PRTFDC1: variants seen among roughly 807,000 people sequenced by gnomAD.
PRTFDC1 encodes the protein phosphoribosyltransferase domain-containing protein 1.
In PRTFDC1, 38 loss-of-function variants were observed where a neutral mutation model predicts 34.6. The ratio of observed to expected loss-of-function variants is 1.10; its 90% CI spans 0.85 to 1.44. The LOEUF is 1.44. Among genes scored for constraint, PRTFDC1 ranks in the 40% most tolerant of loss-of-function variants. The pLI, the probability that PRTFDC1 is intolerant of heterozygous loss-of-function variation, is 0.00. For missense variants in PRTFDC1, 270 were observed against 283.0 expected (o/e 0.95, Z 0.33); for synonymous variants, 93 against 98.1 (o/e 0.95, Z 0.31).
intron 1 of PRTFDC1, among the ~76,000 whole-genome samples, chr10:24,949,210 C>A (rs1849298137): frequency 6.6e-6 from 1 of 152,126 alleles, no homozygotes; most frequent in African/African-American, 2.4e-5. Context: ...CCACCTCAGC[C>A]TCCCCGGTAG....
Position 24,874,910 on chromosome 10 carries a change from G to A in PRTFDC1, c.340-2847C>T, listed in dbSNP as rs72780350. 7.7e-3 allele frequency among the ~76,000 whole-genome samples: 1,165 copies of A among 152,278 alleles called. 3 individuals are homozygous for A. The highest frequency in any genetic ancestry group is 0.012 in the Non-Finnish European group (845 of 68,012). On this transcript the variant is annotated intron_variant, in intron 3 of 8. Transcript: ENST00000320152. ...ACCTTCATGCTGTTCTCATGATGAT[G>A]AGTGAGTTCTCACGAAATATGATGG...
At chr10:24,908,238 C>CGTTGT in intron 3 of PRTFDC1, 1 of 390,666 alleles carries the variant, frequency 2.6e-6, no homozygotes, top group Non-Finnish European at 4.6e-6. Flanking sequence ...CGTTGCGTTG[C>CGTTGT]GTTGAATTGA....
At chr10:24,880,858 T>TCTTTCTTTC (rs1555046679) in intron 3 of PRTFDC1, among the ~76,000 whole-genome samples, 1 of 150,234 alleles carries the variant, frequency 6.7e-6, no homozygotes, top group Admixed American at 6.6e-5. Flanking sequence ...TTTCTTTCTT[T>TCTTTCTTTC]CTTTCTTTCT....
chr10:24,904,261 TAC>T (rs10585982), intron 3 of PRTFDC1, among the ~76,000 whole-genome samples: 51,042 of 147,934 alleles, frequency 0.35, 9,003 homozygotes, highest in Middle Eastern at 0.47. Context: ...TAAAATGTAA[TAC>T]ACACACACAC....
intron 3 of PRTFDC1, among the ~76,000 whole-genome samples, chr10:24,897,613 C>G (rs188849834): frequency 6.6e-6 from 1 of 152,134 alleles, no homozygotes; most frequent in Non-Finnish European, 1.5e-5. Flanking sequence ...GATGGAAATC[C>G]GGGGCTTCTT....
At chr10:24,878,595 G>C (rs749377116) in intron 3 of PRTFDC1, among the ~76,000 whole-genome samples, 3 of 152,120 alleles carry the variant, frequency 2.0e-5, no homozygotes, top group Non-Finnish European at 4.4e-5. Flanking sequence ...TGCATCTTTG[G>C]AAAAACCATT....
intron 1 of PRTFDC1, among the ~76,000 whole-genome samples, chr10:24,947,759 C>G (rs905796217): frequency 3.9e-5 from 6 of 152,064 alleles, no homozygotes; most frequent in African/African-American, 1.4e-4. Context: ...TCCTTCAGGC[C>G]ATAGCTCTCA....
In PRTFDC1 at chr10:24,855,345, A is replaced by C. The variant is rs758271319; in HGVS notation, c.526T>G (p.Ser176Ala). The C allele has an allele frequency of 6.2e-7, 1 of 1,614,154 alleles. No individual in the cohort carries two copies. The highest frequency in any genetic ancestry group is 8.5e-7 in the Non-Finnish European group (1 of 1,180,010). Residue 176 changes from serine (S) to alanine (A), a missense_variant, in exon 7 of 9, where the codon TCC (serine) becomes GCC (alanine). By Grantham distance (99) the Ser-to-Ala change is moderately conservative. Coordinates refer to ENST00000320152, the MANE Select transcript of PRTFDC1 (RefSeq NM_020200.7). ...TCAGGTCTAAAGCCGTCACTTCTGG[A>C]TGTTCTCTTCACCAACAAACTACCA... ...KVASLLVKRT[S>A]RSDGFRPDYA...
chr10:24,849,789 A>G lies in PRTFDC1; in HGVS notation c.*55T>C. On this transcript the variant is annotated 3_prime_UTR_variant, in exon 9 of 9. Coordinates refer to ENST00000320152, the MANE Select transcript of PRTFDC1 (RefSeq NM_020200.7). Reference sequence around the variant, plus strand: ...GACAAACTTGACAGCTGGCTTCCCAAGTACAGGCGTAAATATGATGCTATC... The same window carrying G: ...GACAAACTTGACAGCTGGCTTCCCAGGTACAGGCGTAAATATGATGCTATC... 6 of 1,569,136 alleles carry G rather than the reference A, an allele frequency of 3.8e-6. No individual in the cohort carries two copies. Among genetic ancestry groups the G allele is most frequent in the Non-Finnish European group, 5.3e-6 (6 of 1,140,674 alleles).
chr10:24,871,549 T>C (rs1210196240), intron 4 of PRTFDC1, among the ~76,000 whole-genome samples: 1 of 151,898 alleles, frequency 6.6e-6, no homozygotes, highest in African/African-American at 2.4e-5. Flanking sequence ...GAAAACGCAC[T>C]CTTAAGAGTT....
At chr10:24,858,725 C>A (rs960314498) in intron 4 of PRTFDC1, among the ~76,000 whole-genome samples, 1 of 152,158 alleles carries the variant, frequency 6.6e-6, no homozygotes, top group Non-Finnish European at 1.5e-5. Context: ...CCAGCATTCC[C>A]TTGGGAGGCA....
chr10:24,891,047 A>G (rs1848252103), intron 3 of PRTFDC1, among the ~76,000 whole-genome samples: 1 of 152,230 alleles, frequency 6.6e-6, no homozygotes. Flanking sequence ...GGAAGGTGGG[A>G]AGAGTTAAAC....
chr10:24,858,465 A>G lies in PRTFDC1; in HGVS notation c.406-56T>C, dbSNP rs1008919559. The G allele has an allele frequency of 4.5e-6, 7 of 1,567,098 alleles. No individual in the cohort carries two copies. In the Admixed American group the frequency reaches 1.2e-4, roughly 26 times the overall value. ...GTGATGCCAATCTGACTCACAGGAT[A>G]CATACACATTTTTTTGCTTATAGTT... On this transcript the variant is annotated intron_variant, in intron 4 of 8. Transcript: ENST00000320152.
chr10:24,851,679 T>C (rs1847492558), intron 7 of PRTFDC1, among the ~76,000 whole-genome samples: 1 of 151,706 alleles, frequency 6.6e-6, no homozygotes, highest in East Asian at 1.9e-4. Context: ...CAAGCCAACC[T>C]ACAATGAAGA....
At chr10:24,871,376 A>G (rs922435723) in intron 4 of PRTFDC1, among the ~76,000 whole-genome samples, 1 of 152,230 alleles carries the variant, frequency 6.6e-6, no homozygotes, top group Non-Finnish European at 1.5e-5. Context: ...TTCGTTAGGA[A>G]ACAACTCTTC....
chr10:24,866,752 C>T (rs1299496796), intron 4 of PRTFDC1, among the ~76,000 whole-genome samples: 1 of 150,938 alleles, frequency 6.6e-6, no homozygotes, highest in Non-Finnish European at 1.5e-5. Flanking sequence ...ACTCAGACAG[C>T]TTCCCTTGTG....
intron 3 of PRTFDC1, among the ~76,000 whole-genome samples, chr10:24,889,267 C>G (rs886426440): frequency 2.0e-5 from 3 of 152,090 alleles, no homozygotes; most frequent in Non-Finnish European, 4.4e-5. Flanking sequence ...TAGAACACGC[C>G]CGATCTCGTC....
At chr10:24,884,785 C>T (rs922755008) in intron 3 of PRTFDC1, among the ~76,000 whole-genome samples, 1 of 152,094 alleles carries the variant, frequency 6.6e-6, no homozygotes, top group African/African-American at 2.4e-5. Flanking sequence ...TATTGGCCAT[C>T]CTAAATCAAC....
At chr10:24,897,793 TACATGAA>T (rs1320875443) in intron 3 of PRTFDC1, among the ~76,000 whole-genome samples, 2 of 152,232 alleles carry the variant, frequency 1.3e-5, no homozygotes, top group African/African-American at 2.4e-5. Context: ...GTCAGATATA[TACATGAA>T]ATGCAACTGT....
Sources: gnomAD v4.1 joint callset for allele counts (sites outside exome capture counted in the v4.1 genomes callset) on GRCh38, gnomAD v4.1.1 for gene constraint, MANE v1.5 for transcripts, NCBI Gene and HGNC (gene_info 2026-07-23, HGNC 2026-07-21) for gene names.